The following GRIN2A variants were observed in gnomAD, a reference collection of about 807,000 sequenced individuals.
GRIN2A encodes the protein glutamate receptor ionotropic, NMDA 2A.
GRIN2A carries 22 observed loss-of-function variants against 113.4 expected under a neutral mutation model. That is an observed-to-expected ratio of 0.19 (90% CI 0.14 to 0.28). The LOEUF (loss-of-function observed/expected upper bound fraction) is 0.28. Ranked by LOEUF, GRIN2A falls within the 10% of genes least tolerant of loss-of-function variation. The pLI is 1.00. For missense variants in GRIN2A, 1,502 were observed against 1,887.0 expected (o/e 0.80, Z 3.78); for synonymous variants, 827 against 738.4 (o/e 1.12, Z -1.94).
chr16:9,774,155 G>A (rs1901458694), intron 11 of GRIN2A, among the ~76,000 whole-genome samples: 1 of 152,194 alleles, frequency 6.6e-6, no homozygotes, highest in Non-Finnish European at 1.5e-5. Flanking sequence ...AGACAGTGGA[G>A]GAGTTTCTCC....
At position 10,088,409 on chromosome 16, in the gene GRIN2A, G is replaced by T. The variant is rs115143240; in HGVS notation, c.414+91589C>A. 4.3e-3 allele frequency among the ~76,000 whole-genome samples: 659 copies of T among 152,288 alleles called. 4 individuals carry two copies. Among genetic ancestry groups the T allele is most frequent in the African/African-American group, 0.015 (624 of 41,564 alleles). On this transcript the variant is annotated intron_variant, in intron 2 of 12. Transcript: ENST00000330684. ...GCAGGGATTGGCACACATGGAAGGA[G>T]AGTGCTGGCCCCTGGCTGCGTCCTC...
At position 9,763,012 on chromosome 16, in the gene GRIN2A, CCAACAA is replaced by C. The variant is rs146199312; in HGVS notation, c.*131_*136del. The stretch of plus-strand genomic sequence containing the variant: ...TGGCATGAAGCCGTGTGCAAAAGAG[CCAACAA>C]CAACAACAACAAAATACCTCCCTAC... On this transcript the variant is annotated 3_prime_UTR_variant, in exon 13 of 13. Coordinates refer to ENST00000330684, the MANE Select transcript of GRIN2A (RefSeq NM_001134407.3). 4.7e-6 allele frequency: 4 copies of C among 848,360 alleles called. No individual in the cohort carries two copies. The highest frequency in any genetic ancestry group is 1.7e-5 in the South Asian group (1 of 60,470). The allele number at this position is 848,360 out of a possible 1,614,324, so 52.6% of individuals were successfully genotyped here. A position where few individuals can be genotyped will look rare whatever the true frequency, so the allele number is the denominator to read the frequency against.
chr16:9,835,567 A>C (rs1045437590), intron 7 of GRIN2A, among the ~76,000 whole-genome samples: 3 of 152,240 alleles, frequency 2.0e-5, no homozygotes, highest in Admixed American at 1.3e-4. Flanking sequence ...TATCATGGGG[A>C]AGAAATTGCC....
intron 2 of GRIN2A, among the ~76,000 whole-genome samples, chr16:10,021,552 C>A (rs2141897741): frequency 6.6e-6 from 1 of 152,230 alleles, no homozygotes; most frequent in South Asian, 2.1e-4. Context: ...AAAAAGGAAG[C>A]TGAAATCCAC....
chr16:9,877,673 C>T lies in GRIN2A; in HGVS notation c.1122+13313G>A, dbSNP rs2043396848. 3.3e-5 allele frequency among the ~76,000 whole-genome samples: 4 copies of T among 119,434 alleles called. No individual in the cohort carries two copies. In the South Asian group the frequency reaches 1.1e-3, roughly 33 times the overall value. 78.4% of individuals were successfully genotyped at this position (119,434 alleles called of 152,430 possible). ...CCCTCTCCCCCCTCTCTCTCCCCTT[C>T]TTCCCCTCTCTCTTCCCCCTCTTCA... On this transcript the variant is annotated intron_variant, in intron 4 of 12. Coordinates refer to ENST00000330684, the MANE Select transcript of GRIN2A (RefSeq NM_001134407.3).
chr16:10,080,902 CT>C (rs1450164854), intron 2 of GRIN2A, among the ~76,000 whole-genome samples: 4 of 152,166 alleles, frequency 2.6e-5, no homozygotes, highest in African/African-American at 9.7e-5. Flanking sequence ...TAGCCCATTC[CT>C]TCATTCCCGT....
intron 11 of GRIN2A, among the ~76,000 whole-genome samples, chr16:9,782,121 C>G (rs1321505815): frequency 1.3e-5 from 2 of 152,102 alleles, no homozygotes; most frequent in Admixed American, 6.5e-5. Context: ...TCAGCCCTTT[C>G]TGTATTTGTG....
intron 2 of GRIN2A, among the ~76,000 whole-genome samples, chr16:10,004,643 T>C (rs1036542395): frequency 1.3e-5 from 2 of 152,182 alleles, no homozygotes; most frequent in Non-Finnish European, 2.9e-5. Flanking sequence ...TCATGGCCCC[T>C]TCCTCCATCT....
At chr16:10,016,800 C>A (rs1195176599) in intron 2 of GRIN2A, among the ~76,000 whole-genome samples, 2 of 152,240 alleles carry the variant, frequency 1.3e-5, no homozygotes, top group Non-Finnish European at 2.9e-5. Flanking sequence ...CACCATCCCA[C>A]TACCCCTCAT....
intron 2 of GRIN2A, among the ~76,000 whole-genome samples, chr16:10,034,093 C>G (rs992331363): frequency 2.6e-5 from 4 of 152,150 alleles, no homozygotes; most frequent in Non-Finnish European, 5.9e-5. Flanking sequence ...TGATGCCAGG[C>G]GGCCGTGAGA....
intron 11 of GRIN2A, among the ~76,000 whole-genome samples, chr16:9,784,497 A>T (rs1331367693): frequency 9.9e-5 from 15 of 151,836 alleles, no homozygotes; most frequent in Non-Finnish European, 1.6e-4. Context: ...CTAGAAGAAA[A>T]CCTAGGCAAT....
chr16:9,846,143 A>G (rs2042768559), intron 5 of GRIN2A, among the ~76,000 whole-genome samples: 1 of 152,192 alleles, frequency 6.6e-6, no homozygotes, highest in South Asian at 2.1e-4. Flanking sequence ...ATTATGAATC[A>G]TGATGAATTA....
intron 12 of GRIN2A, among the ~76,000 whole-genome samples, chr16:9,768,250 C>T (rs1901040991): frequency 6.6e-6 from 1 of 152,064 alleles, no homozygotes; most frequent in African/African-American, 2.4e-5. Flanking sequence ...GGGGGGGTCT[C>T]ACCGTGTTAG....
chr16:9,964,527 G>A (rs1047395629), intron 2 of GRIN2A, among the ~76,000 whole-genome samples: 33 of 152,124 alleles, frequency 2.2e-4, no homozygotes, highest in African/African-American at 8.0e-4. Flanking sequence ...AATGGGTCTC[G>A]CTGGACTAAA....
chr16:10,168,095 C>T (rs996573217), intron 2 of GRIN2A, among the ~76,000 whole-genome samples: 4 of 152,138 alleles, frequency 2.6e-5, no homozygotes, highest in Admixed American at 6.5e-5. Flanking sequence ...CACCCCATTT[C>T]GAGATCATTG....
At chr16:10,079,743 C>T (rs2047943424) in intron 2 of GRIN2A, among the ~76,000 whole-genome samples, 1 of 152,190 alleles carries the variant, frequency 6.6e-6, no homozygotes, top group Non-Finnish European at 1.5e-5. Flanking sequence ...ATGTTTGTTG[C>T]TTACAAGCTA....
chr16:10,111,772 C>T (rs1247219526), intron 2 of GRIN2A: 9 of 1,486,036 alleles, frequency 6.1e-6, no homozygotes, highest in African/African-American at 1.4e-5. Flanking sequence ...GGGTGATGTG[C>T]TGGAGGCCAA....
intron 2 of GRIN2A, among the ~76,000 whole-genome samples, chr16:10,137,617 C>T (rs577045282): frequency 7.2e-5 from 11 of 152,320 alleles, no homozygotes; most frequent in African/African-American, 1.9e-4. Context: ...CTTCCTGCCC[C>T]AGCCCTGGCC....
At chr16:9,938,610 A>C in intron 2 of GRIN2A, 59 bp from the exon 3 acceptor site, 1 of 1,185,008 alleles carries the variant, frequency 8.4e-7, no homozygotes, top group South Asian at 1.2e-5. Context: ...ATATAGAAGC[A>C]CAAACTGCGT....
Sources: allele counts gnomAD v4.1 joint callset (sites outside exome capture counted in the v4.1 genomes callset), GRCh38; gene constraint gnomAD v4.1.1; transcripts MANE v1.5; gene names NCBI Gene and HGNC (gene_info 2026-07-23, HGNC 2026-07-21).